The following ZMIZ2 variants were observed in gnomAD, a reference collection of about 807,000 sequenced individuals.
The protein encoded by ZMIZ2 is zinc finger MIZ domain-containing protein 2.
A neutral mutation model predicts 93.9 loss-of-function variants in ZMIZ2; 26 were observed. That is an observed-to-expected ratio of 0.28 (90% confidence interval 0.20 to 0.38). ZMIZ2 has a LOEUF of 0.38. Among genes scored for constraint, ZMIZ2 ranks in the 10% least tolerant of loss-of-function variants. The pLI, the probability that ZMIZ2 is intolerant of heterozygous loss-of-function variation, is 1.00. For missense variants in ZMIZ2, 1,023 were observed against 1,235.0 expected, an observed-to-expected ratio of 0.83 and a Z score of 2.57; for synonymous variants, 485 against 516.4, an observed-to-expected ratio of 0.94 and a Z score of 0.82.
Position 44,761,920 on chromosome 7 carries a change from C to T in ZMIZ2, c.1596+15C>T. The T allele has an allele frequency of 6.2e-7, 1 of 1,601,376 alleles. No individual in the cohort carries two copies. Among genetic ancestry groups the T allele is most frequent in the Non-Finnish European group, 8.5e-7 (1 of 1,174,808 alleles). On this transcript the variant is annotated intron_variant, in intron 11 of 18. Coordinates refer to ENST00000309315, the MANE Select transcript of ZMIZ2 (RefSeq NM_031449.4). This position sits in a 1 kb window ranked among gnomAD's most constrained non-coding sequence, Gnocchi z 5.8. Reference sequence around the variant, plus strand: ...CCTGCTGCTGCGTGCGTGTCCTGCGCCGAGGGGGCGGTGCTGTGGCGTGGG... The same window carrying T: ...CCTGCTGCTGCGTGCGTGTCCTGCGTCGAGGGGGCGGTGCTGTGGCGTGGG...
At position 44,767,464 on chromosome 7, in the gene ZMIZ2, G is replaced by C. The variant is rs1791835627; in HGVS notation, c.2656-52G>C. ...GATGTGGTGACAGGATGGTCACTCA[G>C]GTGTGGCCAGTCAGTGACCAAAGCT... is the stretch of plus-strand genomic sequence containing the variant. On this transcript the variant is annotated intron_variant, in intron 18 of 18. Coordinates refer to ENST00000309315, the MANE Select transcript of ZMIZ2 (RefSeq NM_031449.4). The C allele has an allele frequency of 5.6e-6, 8 of 1,419,338 alleles. No individual in the cohort carries two copies. The South Asian group carries it at 9.3e-5, about 16-fold the overall frequency. The allele number at this position is 1,419,338 out of a possible 1,614,324, so 87.9% of individuals were successfully genotyped here. A position where few individuals can be genotyped will look rare whatever the true frequency, so the allele number is the denominator to read the frequency against.
At chr7:44,753,209 TA>T (rs1250605031) in intron 1 of ZMIZ2, among the ~76,000 whole-genome samples, 6 of 105,650 alleles carry the variant, frequency 5.7e-5, no homozygotes, top group African/African-American at 2.2e-4. Context: ...TTTTTAATTT[TA>T]ATTTTTTTTT....
intron 5 of ZMIZ2, 52 bp from the exon 6 acceptor site, chr7:44,757,796 T>G: frequency 6.6e-7 from 1 of 1,512,002 alleles, no homozygotes; most frequent in Non-Finnish European, 8.8e-7. Context: ...GCCTATCTTT[T>G]GGAGCCCTTT....
rs1030921852 is a variant in ZMIZ2 at position 44,763,177 on chromosome 7, C to G, written c.1703-79C>G. The G allele has an allele frequency of 3.2e-6, 5 of 1,566,728 alleles. No individual in the cohort carries two copies. In the African/African-American group the frequency reaches 5.4e-5, roughly 17 times the overall value. On this transcript the variant is annotated intron_variant, in intron 12 of 18. Transcript: ENST00000309315. This position sits in a 1 kb window ranked among gnomAD's most constrained non-coding sequence, Gnocchi z 5.6. ...CTGTCAGTGGGTCAGTGACTGGGTC[C>G]CTGCCTCGTTGGCATCCCCATTCAC...
Position 44,757,561 on chromosome 7 carries a change from G to A in ZMIZ2, c.552G>A (p.Ala184=), listed in dbSNP as rs745513446. The part of the protein sequence containing the change: ...KQSQELSQYG[A]MGAGQSFNSQ... Reference sequence around the variant, plus strand: ...GCCAGGAGCTGAGCCAGTATGGAGCGGTGAGCCCCCTCAGCAGCTCCTCCC... The same window carrying A: ...GCCAGGAGCTGAGCCAGTATGGAGCAGTGAGCCCCCTCAGCAGCTCCTCCC... The change falls in exon 5 of 19, where the codon GCG becomes GCA. Residue 184 remains alanine (A), a splice_region_variant and synonymous_variant. Transcript: ENST00000309315. The A allele has an allele frequency of 1.9e-6, 3 of 1,589,620 alleles. No homozygotes were observed. The highest frequency in any genetic ancestry group is 1.1e-5 in the South Asian group (1 of 89,708).
intron 1 of ZMIZ2, chr7:44,750,023 AG>A (rs1790002181): frequency 6.6e-6 from 1 of 152,142 alleles, no homozygotes; most frequent in African/African-American, 2.4e-5. Context: ...GATAGTTACA[AG>A]CTGGAAGTGT....
Sources: gnomAD v4.1 joint callset for allele counts (sites outside exome capture counted in the v4.1 genomes callset) on GRCh38, gnomAD v4.1.1 for gene constraint, Gnocchi (gnomAD v3.1) non-coding constraint, MANE v1.5 for transcripts, NCBI Gene and HGNC (gene_info 2026-07-23, HGNC 2026-07-21) for gene names.